Variants in NEGR1 observed in about 807,000 individuals in gnomAD.
NEGR1 encodes the protein IgLON family member 4.
Under a neutral mutation model 40.9 loss-of-function variants are expected in NEGR1, and 10 were observed. The ratio of observed to expected loss-of-function variants is 0.24; its 90% CI spans 0.15 to 0.42. The LOEUF is 0.42. Ranked by LOEUF, NEGR1 falls within the 10% of genes least tolerant of loss-of-function variation. NEGR1 has a pLI of 1.00. For synonymous variants in NEGR1, 185 were observed against 166.8 expected, an observed-to-expected ratio of 1.11 and a Z score of -0.84; for missense variants, 352 against 438.9, an observed-to-expected ratio of 0.80 and a Z score of 1.77.
intron 1 of NEGR1, among the ~76,000 whole-genome samples, chr1:72,153,808 G>A (rs572225489): frequency 6.0e-4 from 91 of 151,956 alleles, no homozygotes; most frequent in Non-Finnish European, 2.2e-4. Flanking sequence ...CAGAAGAATG[G>A]AATAAAATCT....
rs1190778048 is a variant in NEGR1 at position 71,398,845 on chromosome 1, T to G, written c.*8601A>C. ...GGTAATTGAATCATGGGAGCAGGTC[T>G]TTCCCATGCTGTTCTTGTGATAGTG... On this transcript the variant is annotated 3_prime_UTR_variant, in exon 7 of 7. Coordinates refer to ENST00000357731, the MANE Select transcript of NEGR1 (RefSeq NM_173808.3). 6.6e-6 allele frequency: 1 copy of G among 152,140 alleles called. No individual in the cohort carries two copies. Among genetic ancestry groups the G allele is most frequent in the Non-Finnish European group, 1.5e-5 (1 of 68,014 alleles). The allele number at this position is 152,140 out of a possible 1,614,324, so 9.4% of individuals were successfully genotyped here.
intron 4 of NEGR1, among the ~76,000 whole-genome samples, chr1:71,688,403 T>TAAAAGATATATATAA (rs57483006): frequency 0.28 from 8,438 of 29,642 alleles, 2,431 homozygotes; most frequent in South Asian, 0.32. Flanking sequence ...AATATATATA[T>TAAAAGATATATATAA]AAGATATATA....
At chr1:71,441,306 T>C (rs55892800) in intron 6 of NEGR1, among the ~76,000 whole-genome samples, 5,286 of 152,282 alleles carry the variant, frequency 0.035, 325 homozygotes, top group African/African-American at 0.12. Flanking sequence ...GGCCCCAATC[T>C]TTTAGCTTTC....
At chr1:71,648,999 A>G (rs1255259790) in intron 4 of NEGR1, among the ~76,000 whole-genome samples, 1 of 152,062 alleles carries the variant, frequency 6.6e-6, no homozygotes, top group Non-Finnish European at 1.5e-5. Flanking sequence ...TGATCTTCTC[A>G]GTTGAAATTG....
intron 3 of NEGR1, among the ~76,000 whole-genome samples, chr1:71,749,918 C>A (rs1408618642): frequency 2.6e-5 from 4 of 151,978 alleles, no homozygotes; most frequent in African/African-American, 9.7e-5. Flanking sequence ...TCCCTATTTA[C>A]AGACACATAT....
intron 4 of NEGR1, among the ~76,000 whole-genome samples, chr1:71,671,803 A>C (rs1386962494): frequency 3.3e-5 from 5 of 152,116 alleles, no homozygotes; most frequent in African/African-American, 1.2e-4. Flanking sequence ...CATACTTGCC[A>C]GACAACATCT....
At position 72,102,457 on chromosome 1, in the gene NEGR1, A is replaced by G. The variant is rs772188815; in HGVS notation, c.177-167146T>C. 8.7e-4 allele frequency among the ~76,000 whole-genome samples: 133 copies of G among 152,236 alleles called. 1 individual carries two copies. The highest frequency in any genetic ancestry group is 1.6e-3 in the Non-Finnish European group (110 of 67,996). On this transcript the variant is annotated intron_variant, in intron 1 of 6. Coordinates refer to ENST00000357731, the MANE Select transcript of NEGR1 (RefSeq NM_173808.3). ...TTAGCAACAGGAAATAACATATGCT[A>G]TAACTCTGACCATGTGCCTATAAAA...
intron 6 of NEGR1, among the ~76,000 whole-genome samples, chr1:71,592,585 C>T (rs1256124211): frequency 6.6e-6 from 1 of 152,144 alleles, no homozygotes; most frequent in Non-Finnish European, 1.5e-5. Context: ...TTTCTCAGCT[C>T]TAACATATTT....
rs866846324 is a variant in NEGR1 at position 71,400,764 on chromosome 1, G to A, written c.*6682C>T. The A allele has an allele frequency of 2.0e-5, 3 of 152,116 alleles. No homozygotes were observed. Among genetic ancestry groups the A allele is most frequent in the African/African-American group, 2.4e-5 (1 of 41,480 alleles). The allele number at this position is 152,116 out of a possible 1,614,324, so 9.4% of individuals were successfully genotyped here. ...ATTTTACATCTCGTCTGGGAGCGGT[G>A]GCTCACGCCTGTAATCCCAGCACTT... On this transcript the variant is annotated 3_prime_UTR_variant, in exon 7 of 7. Coordinates refer to ENST00000357731, the MANE Select transcript of NEGR1 (RefSeq NM_173808.3).
chr1:72,263,164 T>C (rs968322854), intron 1 of NEGR1, among the ~76,000 whole-genome samples: 40 of 151,724 alleles, frequency 2.6e-4, no homozygotes, highest in African/African-American at 8.9e-4. Context: ...TTATTAAAAA[T>C]AGTTATTTTT....
chr1:71,496,103 C>G (rs1160386806), intron 6 of NEGR1, among the ~76,000 whole-genome samples: 1 of 152,016 alleles, frequency 6.6e-6, no homozygotes, highest in Admixed American at 6.6e-5. Context: ...TATATTTTTT[C>G]CTATTTCTTT....
At position 71,403,989 on chromosome 1, in the gene NEGR1, A is replaced by C. The variant is rs1024615296; in HGVS notation, c.*3457T>G. 2.8e-6 allele frequency: 1 copy of C among 351,234 alleles called. No homozygotes were observed. Among genetic ancestry groups the C allele is most frequent in the Admixed American group, 4.8e-5 (1 of 20,880 alleles). The allele number at this position is 351,234 out of a possible 1,614,324, so 21.8% of individuals were successfully genotyped here. ...TTTAAATCATTTCTGGATTTCAAAA[A>C]ACAATTTTTATTGAAAAGATTAAAT... is the stretch of plus-strand genomic sequence containing the variant. On this transcript the variant is annotated 3_prime_UTR_variant, in exon 7 of 7. Coordinates refer to ENST00000357731, the MANE Select transcript of NEGR1 (RefSeq NM_173808.3).
chr1:71,709,113 G>C (rs1262477472), intron 3 of NEGR1, among the ~76,000 whole-genome samples: 4 of 152,146 alleles, frequency 2.6e-5, no homozygotes, highest in Admixed American at 2.6e-4. Flanking sequence ...CAGATACTCA[G>C]TAATGGGATT....
intron 3 of NEGR1, among the ~76,000 whole-genome samples, chr1:71,759,194 A>G (rs2101697277): frequency 6.6e-6 from 1 of 151,006 alleles, no homozygotes; most frequent in African/African-American, 2.4e-5. Flanking sequence ...ATCTAATATT[A>G]TGAATGGAAT....
At chr1:72,063,712 A>C (rs761038520) in intron 1 of NEGR1, among the ~76,000 whole-genome samples, 4 of 151,954 alleles carry the variant, frequency 2.6e-5, no homozygotes, top group Non-Finnish European at 5.9e-5. Flanking sequence ...GCAGGTCACA[A>C]AACTATCTCA....
intron 1 of NEGR1, among the ~76,000 whole-genome samples, chr1:72,141,972 A>C (rs1224777363): frequency 6.6e-6 from 1 of 151,974 alleles, no homozygotes; most frequent in East Asian, 1.9e-4. Flanking sequence ...ATAATAAAAA[A>C]GTCAGCAGCT....
chr1:72,086,957 T>TAA (rs1030537288), intron 1 of NEGR1, among the ~76,000 whole-genome samples: 2 of 152,088 alleles, frequency 1.3e-5, no homozygotes, highest in Non-Finnish European at 2.9e-5. Context: ...ATAGAGTGAT[T>TAA]AAAAAAACAC....
intron 6 of NEGR1, among the ~76,000 whole-genome samples, chr1:71,554,746 T>C (rs1413553655): frequency 1.3e-5 from 2 of 151,522 alleles, no homozygotes; most frequent in East Asian, 2.0e-4. Context: ...AATCAAAGAA[T>C]ACATTTTGAG....
rs1656972743 is a variant in NEGR1, at chr1:71,787,988, G to A, written c.410-11691C>T. ...CCATGATTAGATTTACAGAGTAACT[G>A]CCTTAGAAAGGCCTAGAGTCTTGCC... On this transcript the variant is annotated intron_variant, in intron 2 of 6. Coordinates refer to ENST00000357731, the MANE Select transcript of NEGR1 (RefSeq NM_173808.3). Among the ~76,000 whole-genome samples the A allele has an allele frequency of 2.0e-5, 3 of 152,182 alleles. No individual in the cohort carries two copies. In the South Asian group the frequency reaches 6.2e-4, roughly 31 times the overall value.
Sources: gnomAD v4.1 joint callset for allele counts (sites outside exome capture counted in the v4.1 genomes callset) on GRCh38, gnomAD v4.1.1 for gene constraint, MANE v1.5 for transcripts, NCBI Gene and HGNC (gene_info 2026-07-23, HGNC 2026-07-21) for gene names.